Variants in WDHD1 observed in about 807,000 individuals in gnomAD.
WDHD1 encodes WD repeat and HMG-box DNA-binding protein 1.
A neutral mutation model predicts 135.4 loss-of-function variants in WDHD1; 111 were observed. The ratio of observed to expected loss-of-function variants is 0.82; its 90% CI spans 0.70 to 0.96. WDHD1 has a LOEUF of 0.96. Among genes scored for constraint, WDHD1 ranks in the 40% least tolerant of loss-of-function variants. The pLI is 0.00. For synonymous variants in WDHD1, 434 were observed against 439.0 expected, an observed-to-expected ratio of 0.99 and a Z score of 0.14; for missense variants, 1,351 against 1,336.3, an observed-to-expected ratio of 1.01 and a Z score of -0.17.
chr14:54,981,737 T>C, intron 15 of WDHD1, 41 bp from the exon 16 acceptor site: 2 of 1,423,288 alleles, frequency 1.4e-6, no homozygotes, highest in Non-Finnish European at 2.0e-6. Flanking sequence ...CATAGCTACA[T>C]GTTGTTAAAG....
chr14:55,013,674 G>C (rs1044100935), intron 2 of WDHD1, 78 bp from the exon 3 acceptor site: 2 of 1,100,560 alleles, frequency 1.8e-6, no homozygotes, highest in East Asian at 2.4e-5. Context: ...GGGAGTACAA[G>C]GTGGGAGGAT....
At chr14:55,000,790 AC>A in intron 9 of WDHD1, 95 bp downstream of exon 9, 1 of 1,141,708 alleles carries the variant, frequency 8.8e-7, no homozygotes, top group East Asian at 2.8e-5. Context: ...TTTCATTCTG[AC>A]AATCTGATGG....
rs1170614126 is a variant in WDHD1, at chr14:55,013,441, T to C, written c.189+44A>G. 6.1e-6 allele frequency: 8 copies of C among 1,320,306 alleles called. No individual in the cohort carries two copies. In the African/African-American group the frequency reaches 1.2e-4, roughly 19 times the overall value. 81.8% of individuals were successfully genotyped at this position (1,320,306 alleles called of 1,614,324 possible). ...TTTTCACTCAAGCATAAAAATCACA[T>C]GCCAGTATCATTTCATATCAATTGA... On this transcript the variant is annotated intron_variant, in intron 3 of 25. Transcript: ENST00000360586.
In WDHD1 at chr14:54,972,553, C is replaced by CAAAAAAAAAAAAAAA. The variant is rs71410642; in HGVS notation, c.2064-5174_2064-5160dup. ...CCTGGGCAATAAAGCAAGACTGTCACAAAAAAAAAAAAAAAAAAAAAAAAA... is the reference window on the plus strand; with the variant it reads ...CCTGGGCAATAAAGCAAGACTGTCACAAAAAAAAAAAAAAAAAAAAAAAAAAAAAAAAAAAAAAAA... On this transcript the variant is annotated intron_variant, in intron 16 of 25. Transcript: ENST00000360586. Among the ~76,000 whole-genome samples the CAAAAAAAAAAAAAAA allele has an allele frequency of 1.5e-3, 38 of 25,498 alleles. 5 individuals carry two copies. Among genetic ancestry groups the CAAAAAAAAAAAAAAA allele is most frequent in the East Asian group, 2.1e-3 (2 of 966 alleles). The allele number at this position is 25,498 out of a possible 152,430, so 16.7% of individuals were successfully genotyped here. A position where few individuals can be genotyped will look rare whatever the true frequency, so the allele number is the denominator to read the frequency against.
intron 15 of WDHD1, among the ~76,000 whole-genome samples, chr14:54,983,940 TTA>T (rs1371432244): frequency 6.6e-6 from 1 of 152,206 alleles, no homozygotes; most frequent in Non-Finnish European, 1.5e-5. Flanking sequence ...AAATTGATTT[TTA>T]TATCTTTTTT....
In WDHD1 at chr14:55,027,037, C is replaced by G; in HGVS notation, c.-26G>C. On this transcript the variant is annotated 5_prime_UTR_variant, in exon 1 of 26. Transcript: ENST00000360586. ...CGGAGTGGGGACTCACCCGGGTGAC[C>G]GAGCCTCCGCCACTGAGGATCCACA... is the stretch of plus-strand genomic sequence containing the variant. 2.1e-6 allele frequency: 1 copy of G among 487,216 alleles called. No individual in the cohort carries two copies. Among genetic ancestry groups the G allele is most frequent in the Non-Finnish European group, 3.7e-6 (1 of 267,716 alleles). The allele number at this position is 487,216 out of a possible 1,614,324, so 30.2% of individuals were successfully genotyped here. A position where few individuals can be genotyped will look rare whatever the true frequency, so the allele number is the denominator to read the frequency against.
In WDHD1 at chr14:54,939,055, A is replaced by C. The variant is rs576851531; in HGVS notation, c.*2435T>G. Reference sequence around the variant, plus strand: ...GAAAAATCCTGTCTATAAAGCATACATGATAAAATGTCAACAATAAGACAA... The same window carrying C: ...GAAAAATCCTGTCTATAAAGCATACCTGATAAAATGTCAACAATAAGACAA... On this transcript the variant is annotated 3_prime_UTR_variant, in exon 26 of 26. Transcript: ENST00000360586. 1 of 152,224 alleles carries C rather than the reference A, an allele frequency of 6.6e-6. No homozygotes were observed. Among genetic ancestry groups the C allele is most frequent in the East Asian group, 1.9e-4 (1 of 5,206 alleles). The allele number at this position is 152,224 out of a possible 1,614,324, so 9.4% of individuals were successfully genotyped here. A position where few individuals can be genotyped will look rare whatever the true frequency, so the allele number is the denominator to read the frequency against.
Position 54,987,400 on chromosome 14 carries a change from A to G in WDHD1, c.1527-13T>C. The G allele has an allele frequency of 6.3e-7, 1 of 1,577,616 alleles. No homozygotes were observed. The highest frequency in any genetic ancestry group is 8.7e-7 in the Non-Finnish European group (1 of 1,154,838). On this transcript the variant is annotated splice_polypyrimidine_tract_variant and intron_variant, in intron 13 of 25. Coordinates refer to ENST00000360586, the MANE Select transcript of WDHD1 (RefSeq NM_007086.4). The stretch of plus-strand genomic sequence containing the variant: ...GCAGTGAAGCTTGCTAAAAATTAAA[A>G]CAAGACAGAAACAATCAAACTTTCA...
Position 54,970,417 on chromosome 14 carries a change from T to C in WDHD1, c.2064-3023A>G, listed in dbSNP as rs956519451. 2.0e-4 allele frequency among the ~76,000 whole-genome samples: 30 copies of C among 152,004 alleles called. 1 individual carries two copies. The highest frequency in any genetic ancestry group is 4.4e-5 in the Non-Finnish European group (3 of 67,986). On this transcript the variant is annotated intron_variant, in intron 16 of 25. Transcript: ENST00000360586. ...TATGCAATCCCATTTACAATAGTCA[T>C]ACATGTACATAAAATACCTAGGAAT...
At chr14:54,999,858 T>G (rs537621533) in intron 10 of WDHD1, among the ~76,000 whole-genome samples, 1 of 152,212 alleles carries the variant, frequency 6.6e-6, no homozygotes, top group South Asian at 2.1e-4. Context: ...CCTCCCAAAG[T>G]GTTGGGATTA....
At chr14:54,959,790 C>T (rs531417925) in intron 21 of WDHD1, among the ~76,000 whole-genome samples, 4 of 152,028 alleles carry the variant, frequency 2.6e-5, no homozygotes, top group South Asian at 4.2e-4. Flanking sequence ...CCGCACCCCC[C>T]CCACCAAACA....
chr14:54,990,595 CAAAA>C (rs576507654), intron 12 of WDHD1, among the ~76,000 whole-genome samples: 1 of 86,002 alleles, frequency 1.2e-5, no homozygotes. Context: ...GACTCCATCT[CAAAA>C]AAAAAAAAAA....
intron 9 of WDHD1, 37 bp from the exon 10 acceptor site, chr14:55,000,681 A>G (rs2041965878): frequency 6.8e-7 from 1 of 1,464,990 alleles, no homozygotes; most frequent in Non-Finnish European, 9.0e-7. Flanking sequence ...AATACTGTCA[A>G]GAAAAATATA....
At chr14:55,024,372 T>G (rs1387657700) in intron 2 of WDHD1, among the ~76,000 whole-genome samples, 2 of 152,232 alleles carry the variant, frequency 1.3e-5, no homozygotes, top group African/African-American at 4.8e-5. Flanking sequence ...AGTGGAAGCA[T>G]CACTTTCTCA....
chr14:54,995,603 C>A lies in WDHD1; in HGVS notation c.1153G>T (p.Asp385Tyr). 2.5e-6 allele frequency: 4 copies of A among 1,581,858 alleles called. No homozygotes were observed. The highest frequency in any genetic ancestry group is 1.9e-5 in the Admixed American group (1 of 52,558). ...HILEDDENSV[D>Y]ISMLKTGSSL... The stretch of plus-strand genomic sequence containing the variant: ...CACATGCACAAAGTCAAATTCTTAC[C>A]AACTGAGTTTTCATCATCTTCTAGG... Residue 385 changes from aspartate (D) to tyrosine (Y), a missense_variant and splice_region_variant, in exon 11 of 26, where the codon GAT becomes TAT. By Grantham distance (160) the Asp-to-Tyr change is radical. Around this residue, in one of 2 missense-constraint regions of WDHD1, gnomAD observed 1,330 missense variants for 1,296.1 expected, o/e 1.03. Coordinates refer to ENST00000360586, the MANE Select transcript of WDHD1 (RefSeq NM_007086.4).
intron 12 of WDHD1, among the ~76,000 whole-genome samples, chr14:54,990,595 C>CAA (rs576507654): frequency 3.0e-3 from 256 of 86,014 alleles, no homozygotes; most frequent in Middle Eastern, 0.015. Flanking sequence ...GACTCCATCT[C>CAA]AAAAAAAAAA....
In WDHD1 at chr14:54,991,190, T is replaced by G. The variant is rs770371073; in HGVS notation, c.1341+23A>C. 3.7e-6 allele frequency: 5 copies of G among 1,356,572 alleles called. No homozygotes were observed. The South Asian group carries it at 6.3e-5, about 17-fold the overall frequency. The allele number at this position is 1,356,572 out of a possible 1,614,324, so 84.0% of individuals were successfully genotyped here. A position where few individuals can be genotyped will look rare whatever the true frequency, so the allele number is the denominator to read the frequency against. On this transcript the variant is annotated intron_variant, in intron 12 of 25. Coordinates refer to ENST00000360586, the MANE Select transcript of WDHD1 (RefSeq NM_007086.4). Reference sequence around the variant, plus strand: ...AAAGTGCTGAAAACCTACTAAGAAGTTAAGTGTAGATCCAAGTCTTACCAT... The same window carrying G: ...AAAGTGCTGAAAACCTACTAAGAAGGTAAGTGTAGATCCAAGTCTTACCAT...
intron 13 of WDHD1, among the ~76,000 whole-genome samples, chr14:54,987,784 A>C (rs2041717534): frequency 6.6e-6 from 1 of 152,008 alleles, no homozygotes; most frequent in Non-Finnish European, 1.5e-5. Flanking sequence ...GTGCCACTGC[A>C]CCTGGTTAAT....
At chr14:54,999,665 C>T (rs928335766) in intron 10 of WDHD1, among the ~76,000 whole-genome samples, 2 of 152,174 alleles carry the variant, frequency 1.3e-5, no homozygotes, top group African/African-American at 2.4e-5. Flanking sequence ...GGCACAATCA[C>T]GGCTTGCTGT....
Sources: allele counts gnomAD v4.1 joint callset (sites outside exome capture counted in the v4.1 genomes callset), GRCh38; gene constraint gnomAD v4.1.1; regional missense constraint gnomAD v4.1.1; transcripts MANE v1.5; gene names NCBI Gene and HGNC (gene_info 2026-07-23, HGNC 2026-07-21).